Variants in IQGAP1 observed in about 807,000 individuals in gnomAD.
The protein encoded by IQGAP1 is ras GTPase-activating-like protein IQGAP1.
Under a neutral mutation model 215.6 loss-of-function variants are expected in IQGAP1, and 66 were observed. That is an observed-to-expected ratio of 0.31 (90% CI 0.25 to 0.38). The LOEUF is 0.38. Ranked by LOEUF, IQGAP1 falls within the 10% of genes least tolerant of loss-of-function variation. The pLI is 1.00. For missense variants in IQGAP1, 1,712 were observed against 1,997.1 expected (o/e 0.86, Z 2.72); for synonymous variants, 772 against 728.7 (o/e 1.06, Z -0.96).
chr15:90,400,471 A>G (rs1964789798), intron 2 of IQGAP1, among the ~76,000 whole-genome samples: 1 of 152,204 alleles, frequency 6.6e-6, no homozygotes. Context: ...GTGTGGCACA[A>G]AAGATCCTTT....
intron 1 of IQGAP1, among the ~76,000 whole-genome samples, chr15:90,389,835 T>G (rs1596242594): frequency 6.7e-6 from 1 of 149,334 alleles, no homozygotes; most frequent in Non-Finnish European, 1.5e-5. Flanking sequence ...CCCATGCCTG[T>G]GGTCCCAGCT....
intron 34 of IQGAP1, among the ~76,000 whole-genome samples, chr15:90,492,230 A>G (rs1225774022): frequency 9.9e-5 from 15 of 152,108 alleles, no homozygotes; most frequent in Admixed American, 6.6e-5. Context: ...TTCTGAGACC[A>G]AGGCAGGAGG....
At chr15:90,389,848 T>C (rs1173011255) in intron 1 of IQGAP1, among the ~76,000 whole-genome samples, 1 of 151,186 alleles carries the variant, frequency 6.6e-6, no homozygotes, top group African/African-American at 2.4e-5. Flanking sequence ...TCCCAGCTGC[T>C]TGGGGCTGAG....
At chr15:90,390,390 A>G (rs1232334190) in intron 1 of IQGAP1, among the ~76,000 whole-genome samples, 3 of 152,220 alleles carry the variant, frequency 2.0e-5, no homozygotes, top group Admixed American at 6.5e-5. Flanking sequence ...GCTTCGTACA[A>G]TTACTGCCAC....
At position 90,439,390 on chromosome 15, in the gene IQGAP1, G is replaced by T; in HGVS notation, c.526G>T (p.Asp176Tyr). The stretch of plus-strand genomic sequence containing the variant: ...GATTCAAGACCTATATGGAAAGGTT[G>T]ACTTCACAGGTAAGGAGTTAGATAC... ...PQIQDLYGKV[D>Y]FTEEEINNMK... The change falls in exon 6 of 38, where the codon GAC becomes TAC. Residue 176 changes from aspartate (D) to tyrosine (Y), a missense_variant. Around this residue, in one of 2 missense-constraint regions of IQGAP1, gnomAD observed 1,021 missense variants for 1,074.2 expected, o/e 0.95. Coordinates refer to ENST00000268182, the MANE Select transcript of IQGAP1 (RefSeq NM_003870.4). 1.2e-6 allele frequency: 2 copies of T among 1,612,050 alleles called. No individual in the cohort carries two copies. Among genetic ancestry groups the T allele is most frequent in the South Asian group, 2.2e-5 (2 of 90,898 alleles).
intron 37 of IQGAP1, among the ~76,000 whole-genome samples, chr15:90,499,282 G>C (rs551024901): frequency 2.2e-4 from 33 of 152,308 alleles, no homozygotes; most frequent in African/African-American, 7.0e-4. Flanking sequence ...CTCCATCTCT[G>C]TCCTGTTGTG....
At chr15:90,472,723 C>A in intron 18 of IQGAP1, 117 bp from the exon 19 acceptor site, 1 of 901,384 alleles carries the variant, frequency 1.1e-6, no homozygotes, top group Non-Finnish European at 1.7e-6. Context: ...AGCTAATGAT[C>A]TAGTATAGAC....
intron 2 of IQGAP1, among the ~76,000 whole-genome samples, chr15:90,404,816 G>A (rs777074266): frequency 3.2e-4 from 49 of 152,034 alleles, no homozygotes; most frequent in Non-Finnish European, 6.2e-4. Context: ...CCTGATCTCG[G>A]GTGATCCACC....
In IQGAP1 at chr15:90,409,293, A is replaced by G. The variant is rs531115824; in HGVS notation, c.156-16817A>G. On this transcript the variant is annotated intron_variant, in intron 2 of 37. Transcript: ENST00000268182. ...GGCTCTATCACTCAGGCTGGAGTGC[A>G]GTGGCACGATCTCGGTTCATTGCAA... is the stretch of plus-strand genomic sequence containing the variant. Among the ~76,000 whole-genome samples, 55 of 139,936 alleles carry G rather than the reference A, an allele frequency of 3.9e-4. 1 individual carries two copies. Among genetic ancestry groups the G allele is most frequent in the African/African-American group, 1.4e-3 (52 of 36,696 alleles). 91.8% of individuals were successfully genotyped at this position (139,936 alleles called of 152,430 possible).
intron 26 of IQGAP1, among the ~76,000 whole-genome samples, chr15:90,478,442 T>C (rs576243187): frequency 2.6e-5 from 4 of 152,324 alleles, no homozygotes; most frequent in East Asian, 1.9e-4. Context: ...GAAACAGACA[T>C]GCTTCCTGCC....
At chr15:90,417,090 GT>G (rs1219194317) in intron 2 of IQGAP1, among the ~76,000 whole-genome samples, 4 of 152,124 alleles carry the variant, frequency 2.6e-5, no homozygotes, top group Non-Finnish European at 4.4e-5. Flanking sequence ...TGAGTTCTTT[GT>G]AGATTCTGGA....
chr15:90,441,107 CAA>C (rs71723257), intron 7 of IQGAP1, among the ~76,000 whole-genome samples: 4 of 144,808 alleles, frequency 2.8e-5, no homozygotes, highest in South Asian at 2.2e-4. Context: ...AACTCTGTCT[CAA>C]AAAAAAAAAG....
At chr15:90,485,132 C>G (rs1209403339) in intron 30 of IQGAP1, among the ~76,000 whole-genome samples, 1 of 151,974 alleles carries the variant, frequency 6.6e-6, no homozygotes, top group African/African-American at 2.4e-5. Flanking sequence ...TCATTTTTTC[C>G]CCTCTGGGGA....
At chr15:90,444,243 CTGTGTGTGTGTGTGTG>C (rs34494521) in intron 9 of IQGAP1, among the ~76,000 whole-genome samples, 7 of 126,944 alleles carry the variant, frequency 5.5e-5, no homozygotes, top group South Asian at 2.6e-4. Context: ...TCCTTCAAAA[CTGTGTGTGTGTGTGTG>C]TGTGTGTGTG....
chr15:90,465,826 A>C (rs1965823429), intron 15 of IQGAP1, among the ~76,000 whole-genome samples, 175 bp from the exon 16 acceptor site: 1 of 152,060 alleles, frequency 6.6e-6, no homozygotes, highest in African/African-American at 2.4e-5. Context: ...CACTGCATCC[A>C]ACTTTTTACC....
At chr15:90,459,396 T>C (rs1965730488) in intron 15 of IQGAP1, among the ~76,000 whole-genome samples, 2 of 152,198 alleles carry the variant, frequency 1.3e-5, no homozygotes, top group South Asian at 4.1e-4. Context: ...ATCTTCATAG[T>C]AGCATTATTC....
chr15:90,490,658 A>G (rs1039433068), intron 33 of IQGAP1, among the ~76,000 whole-genome samples: 4 of 152,158 alleles, frequency 2.6e-5, no homozygotes, highest in South Asian at 2.1e-4. Flanking sequence ...TTATACAGCT[A>G]TGTTTTTAAT....
intron 2 of IQGAP1, among the ~76,000 whole-genome samples, chr15:90,416,646 T>G (rs1965053929): frequency 6.6e-6 from 1 of 151,756 alleles, no homozygotes; most frequent in South Asian, 2.1e-4. Flanking sequence ...GGCACAATCT[T>G]GGCTCACTGC....
chr15:90,476,157 C>T (rs1307867992), intron 23 of IQGAP1, among the ~76,000 whole-genome samples: 1 of 152,080 alleles, frequency 6.6e-6, no homozygotes, highest in African/African-American at 2.4e-5. Context: ...GGTCTCAAAA[C>T]TCCTGGGCTC....
Sources: allele counts gnomAD v4.1 joint callset (sites outside exome capture counted in the v4.1 genomes callset), GRCh38; gene constraint gnomAD v4.1.1; regional missense constraint gnomAD v4.1.1; transcripts MANE v1.5; gene names NCBI Gene and HGNC (gene_info 2026-07-23, HGNC 2026-07-21).